PRDM2: variants seen among roughly 807,000 people sequenced by gnomAD.
PRDM2 encodes PR domain zinc finger protein 2.
A neutral mutation model predicts 130.0 loss-of-function variants in PRDM2; 30 were observed. The observed-to-expected ratio is 0.23, with a 90% CI of 0.17 to 0.31. The LOEUF is 0.31. PRDM2 is among the 10% of genes least tolerant of loss of function. PRDM2 has a pLI of 1.00. For synonymous variants in PRDM2, 871 were observed against 782.4 expected (o/e 1.11, Z -1.89); for missense variants, 2,011 against 2,108.4 (o/e 0.95, Z 0.90).
intron 5 of PRDM2, among the ~76,000 whole-genome samples, chr1:13,746,557 T>C (rs1359862003): frequency 6.6e-6 from 1 of 151,158 alleles, no homozygotes; most frequent in African/African-American, 2.4e-5. Context: ...TATTTATTTA[T>C]TTATTTATTT....
At chr1:13,750,776 G>GT (rs560324358) in intron 6 of PRDM2, among the ~76,000 whole-genome samples, 4,757 of 142,408 alleles carry the variant, frequency 0.033, 89 homozygotes, top group African/African-American at 0.057. Context: ...AAAATTCCCA[G>GT]TTTTTTTTTT....
chr1:13,811,594 G>A (rs955822505), intron 8 of PRDM2, among the ~76,000 whole-genome samples: 4 of 152,156 alleles, frequency 2.6e-5, no homozygotes, highest in Non-Finnish European at 4.4e-5. Context: ...AATATTTCCT[G>A]TACCAGGTCC....
chr1:13,760,379 A>T (rs746657809), intron 6 of PRDM2, among the ~76,000 whole-genome samples: 6 of 152,020 alleles, frequency 3.9e-5, no homozygotes, highest in Admixed American at 6.6e-5. Context: ...GTGGGAATAT[A>T]CTGCTTGGGC....
intron 2 of PRDM2, among the ~76,000 whole-genome samples, chr1:13,718,606 C>G (rs1642622729): frequency 6.6e-6 from 1 of 152,146 alleles, no homozygotes; most frequent in African/African-American, 2.4e-5. Flanking sequence ...CCCTTCTGTT[C>G]TTCACTCAAA....
At chr1:13,704,950 A>G (rs916259173) in intron 1 of PRDM2, 1 of 152,224 alleles carries the variant, frequency 6.6e-6, no homozygotes, top group Admixed American at 6.5e-5. Flanking sequence ...AGTACATCTG[A>G]AAGTAGGAGT....
intron 9 of PRDM2, among the ~76,000 whole-genome samples, chr1:13,822,343 C>G (rs1328819376): frequency 6.6e-6 from 1 of 152,040 alleles, no homozygotes. Flanking sequence ...CTGGAAGTTC[C>G]CAGTTGTGGA....
intron 6 of PRDM2, among the ~76,000 whole-genome samples, chr1:13,765,133 G>T (rs1340840475): frequency 6.6e-6 from 1 of 152,128 alleles, no homozygotes; most frequent in Non-Finnish European, 1.5e-5. Context: ...CACCCACCCC[G>T]CTGCAAACCT....
At chr1:13,818,156 C>A (rs1375618091) in intron 9 of PRDM2, among the ~76,000 whole-genome samples, 4 of 152,162 alleles carry the variant, frequency 2.6e-5, no homozygotes, top group Non-Finnish European at 5.9e-5. Flanking sequence ...CCTGCATTAG[C>A]AGATGGCCCC....
chr1:13,741,692 C>T (rs1397264000), intron 4 of PRDM2, among the ~76,000 whole-genome samples: 3 of 144,840 alleles, frequency 2.1e-5, no homozygotes, highest in East Asian at 2.1e-4. Flanking sequence ...TTGGAGATCC[C>T]AAGCATGCTG....
intron 8 of PRDM2, among the ~76,000 whole-genome samples, chr1:13,783,857 T>A (rs998948368): frequency 6.6e-6 from 1 of 152,108 alleles, no homozygotes; most frequent in African/African-American, 2.4e-5. Flanking sequence ...ATGCTATAGC[T>A]TTTGGTGTCT....
Position 13,806,952 on chromosome 1 carries a change from C to T in PRDM2, c.5037-9475C>T, listed in dbSNP as rs922047688. On this transcript the variant is annotated intron_variant, in intron 8 of 9. Coordinates refer to ENST00000311066, the MANE Select transcript of PRDM2 (RefSeq NM_001393986.1). This position sits in a 1 kb window ranked among gnomAD's most constrained non-coding sequence, Gnocchi z 4.1. ...GTATCCGGACCGATTGATCCCCCCACCCCAGGTCGTAGCCCACACACTGCC... is the reference window on the plus strand; with the variant it reads ...GTATCCGGACCGATTGATCCCCCCATCCCAGGTCGTAGCCCACACACTGCC... Among the ~76,000 whole-genome samples, 1 of 152,194 alleles carries T rather than the reference C, an allele frequency of 6.6e-6. No individual in the cohort carries two copies.
chr1:13,753,260 G>A (rs1643880175), intron 6 of PRDM2, among the ~76,000 whole-genome samples: 1 of 152,198 alleles, frequency 6.6e-6, no homozygotes, highest in East Asian at 1.9e-4. Context: ...AAGACAGAAA[G>A]TTTATTACAA....
rs77737198 is a variant in PRDM2, at chr1:13,778,531, T to C, written c.736T>C (p.Trp246Arg). The change falls in exon 8 of 10, where the codon TGG becomes CGG. Residue 246 changes from tryptophan to arginine, a missense_variant. Around this residue, in one of 5 missense-constraint regions of PRDM2, gnomAD observed 1,288 missense variants for 1,237.7 expected, o/e 1.04. Transcript: ENST00000311066. ...AGAACTAGCAACCCCTGCCCCTGCC[T>C]GGGAGCCACAGCCAGAACCAGACGA... is the stretch of plus-strand genomic sequence containing the variant. Reference protein sequence around the residue: ...PPELATPAPAWEPQPEPDERL... With the variant: ...PPELATPAPAREPQPEPDERL... The C allele has an allele frequency of 3.1e-6, 5 of 1,613,934 alleles. No homozygotes were observed. The East Asian group carries it at 8.9e-5, about 29-fold the overall frequency.
rs749180503 is a variant in PRDM2 at position 13,771,092 on chromosome 1, G to T, written c.512-1986G>T. On this transcript the variant is annotated intron_variant, in intron 6 of 9. Coordinates refer to ENST00000311066, the MANE Select transcript of PRDM2 (RefSeq NM_001393986.1). This position sits in a 1 kb window ranked among gnomAD's most constrained non-coding sequence, Gnocchi z 4.1. ...CCTTAAACAAAACTGGATCCCTGAAGAACCTTTGTCATTATCTGATTTAGA... is the reference window on the plus strand; with the variant it reads ...CCTTAAACAAAACTGGATCCCTGAATAACCTTTGTCATTATCTGATTTAGA... Among the ~76,000 whole-genome samples, 1 of 152,184 alleles carries T rather than the reference G, an allele frequency of 6.6e-6. No homozygotes were observed. The highest frequency in any genetic ancestry group is 1.5e-5 in the Non-Finnish European group (1 of 68,022).
intron 6 of PRDM2, among the ~76,000 whole-genome samples, chr1:13,764,890 C>T (rs1430375189): frequency 6.6e-6 from 1 of 152,180 alleles, no homozygotes; most frequent in Non-Finnish European, 1.5e-5. Flanking sequence ...GTGACTTTAA[C>T]TGCAGAAAAA....
intron 8 of PRDM2, among the ~76,000 whole-genome samples, chr1:13,795,351 C>G (rs116272591): frequency 6.6e-6 from 1 of 152,036 alleles, no homozygotes; most frequent in East Asian, 1.9e-4. Flanking sequence ...ATGGGGAAAC[C>G]GAGGCACAGG....
chr1:13,748,377 G>T (rs1643680779), intron 5 of PRDM2, among the ~76,000 whole-genome samples: 1 of 152,064 alleles, frequency 6.6e-6, no homozygotes, highest in African/African-American at 2.4e-5. Flanking sequence ...CTTTTTTACT[G>T]ATTAGTTGGG....
At position 13,789,572 on chromosome 1, in the gene PRDM2, C is replaced by T. The variant is rs1644805228; in HGVS notation, c.5036+6741C>T. ...TGCTTCTAGCTTAATATCTGAATGC[C>T]AGTAATCTAGATGACTGCCGGCTTT... On this transcript the variant is annotated intron_variant, in intron 8 of 9. Transcript: ENST00000311066. Among the ~76,000 whole-genome samples, 3 of 152,124 alleles carry T rather than the reference C, an allele frequency of 2.0e-5. No homozygotes were observed. The South Asian group carries it at 6.2e-4, about 32-fold the overall frequency.
intron 8 of PRDM2, among the ~76,000 whole-genome samples, chr1:13,790,183 T>A (rs999433592): frequency 1.3e-5 from 2 of 152,196 alleles, no homozygotes; most frequent in African/African-American, 4.8e-5. Flanking sequence ...CCCAGGTAAA[T>A]TCAGGGCACA....
Sources: gnomAD v4.1 joint callset for allele counts (sites outside exome capture counted in the v4.1 genomes callset) on GRCh38, gnomAD v4.1.1 for gene constraint, gnomAD v4.1.1 regional missense constraint, Gnocchi (gnomAD v3.1) non-coding constraint, MANE v1.5 for transcripts, NCBI Gene and HGNC (gene_info 2026-07-23, HGNC 2026-07-21) for gene names.